Variants in FGF14 observed in about 807,000 individuals in gnomAD.
FGF14 encodes the protein fibroblast growth factor homologous factor 4.
FGF14 carries 5 observed loss-of-function variants against 25.5 expected under a neutral mutation model. The observed-to-expected ratio is 0.20, with a 90% CI of 0.10 to 0.41. The LOEUF is 0.41. Ranked by LOEUF, FGF14 falls within the 10% of genes least tolerant of loss-of-function variation. The probability of loss-of-function intolerance (pLI) is 1.00; values close to 1 mark genes in which losing one functional copy is unlikely to be tolerated. For synonymous variants in FGF14, 138 were observed against 118.3 expected (o/e 1.17, Z -1.08); for missense variants, 222 against 320.1 (o/e 0.69, Z 2.34).
intron 3 of FGF14, among the ~76,000 whole-genome samples, chr13:101,781,455 AT>A: frequency 6.6e-6 from 1 of 152,306 alleles, no homozygotes; most frequent in East Asian, 1.9e-4. Context: ...CATATATCGA[AT>A]AGTAGACTTT....
At chr13:101,952,067 T>G (rs1343940064) in intron 1 of FGF14, among the ~76,000 whole-genome samples, 1 of 152,246 alleles carries the variant, frequency 6.6e-6, no homozygotes, top group African/African-American at 2.4e-5. Flanking sequence ...ATTTGTCAAG[T>G]GCCTACTATT....
intron 3 of FGF14, among the ~76,000 whole-genome samples, chr13:101,738,584 A>G (rs2036331266): frequency 6.6e-6 from 1 of 152,134 alleles, no homozygotes; most frequent in Non-Finnish European, 1.5e-5. Context: ...AAAGCAAGAA[A>G]AGAGGCAATA....
intron 3 of FGF14, among the ~76,000 whole-genome samples, chr13:101,864,740 C>A (rs901479337): frequency 6.6e-6 from 1 of 152,048 alleles, no homozygotes; most frequent in Non-Finnish European, 1.5e-5. Context: ...CACTTACGAC[C>A]GCGAAGATGC....
intron 1 of FGF14, among the ~76,000 whole-genome samples, chr13:102,062,798 A>T (rs986778241): frequency 2.6e-5 from 4 of 152,188 alleles, no homozygotes; most frequent in African/African-American, 9.6e-5. Context: ...ACTCTCAATG[A>T]TAAGAAAAAA....
At chr13:102,354,343 G>T (rs1325101218) in intron 1 of FGF14, 1 of 152,148 alleles carries the variant, frequency 6.6e-6, no homozygotes, top group Non-Finnish European at 1.5e-5. Flanking sequence ...GCCAGACTAA[G>T]ACAAAAGTGA....
chr13:101,857,589 A>G (rs2044191566), intron 3 of FGF14, among the ~76,000 whole-genome samples: 1 of 152,070 alleles, frequency 6.6e-6, no homozygotes, highest in Non-Finnish European at 1.5e-5. Flanking sequence ...GTGAAACCCT[A>G]AATAGCACAG....
intron 1 of FGF14, among the ~76,000 whole-genome samples, chr13:102,071,354 G>C (rs551472967): frequency 5.3e-5 from 8 of 152,136 alleles, no homozygotes; most frequent in African/African-American, 1.9e-4. Context: ...ATGTGTCACA[G>C]GGAAGTTTCG....
chr13:101,800,320 A>G (rs2040798745), intron 3 of FGF14, among the ~76,000 whole-genome samples: 1 of 152,228 alleles, frequency 6.6e-6, no homozygotes, highest in Non-Finnish European at 1.5e-5. Flanking sequence ...TATAAAATAT[A>G]AAAACAAATG....
chr13:101,865,134 A>G (rs1290468404), intron 3 of FGF14, among the ~76,000 whole-genome samples: 1 of 152,096 alleles, frequency 6.6e-6, no homozygotes, highest in East Asian at 1.9e-4. Context: ...TCTCACTTCA[A>G]CTATCCTTTA....
intron 1 of FGF14, among the ~76,000 whole-genome samples, chr13:102,276,007 C>T (rs772381128): frequency 6.6e-5 from 10 of 152,034 alleles, no homozygotes; most frequent in South Asian, 6.2e-4. Flanking sequence ...TTCTCTACTA[C>T]TGTAAAGATT....
In FGF14 at chr13:101,720,338, T is replaced by G. The variant is rs1225528560; in HGVS notation, c.*2493A>C. 1 of 152,128 alleles carries G rather than the reference T, an allele frequency of 6.6e-6. No individual in the cohort carries two copies. Among genetic ancestry groups the G allele is most frequent in the Non-Finnish European group, 1.5e-5 (1 of 68,008 alleles). 9.4% of individuals were successfully genotyped at this position (152,128 alleles called of 1,614,324 possible). On this transcript the variant is annotated 3_prime_UTR_variant, in exon 5 of 5. Transcript: ENST00000376143. ...ATATATTAGAAGAAAGTATTTGACA[T>G]CCTTCATAGGGATAAATGCCCTTAT...
chr13:102,136,226 T>C lies in FGF14; in HGVS notation c.209-260930A>G, dbSNP rs139195187. Among the ~76,000 whole-genome samples the C allele has an allele frequency of 2.0e-5, 3 of 152,288 alleles. No homozygotes were observed. In the East Asian group the frequency reaches 5.8e-4, roughly 29 times the overall value. ...ATAGTTGATATTTATCGTGAACTTA[T>C]TAGATGCCAAGTACTAGTTTACCAA... On this transcript the variant is annotated intron_variant, in intron 1 of 4. Transcript: ENST00000376131.
intron 1 of FGF14, among the ~76,000 whole-genome samples, chr13:102,087,646 G>T (rs113723278): frequency 7.1e-6 from 1 of 140,640 alleles, no homozygotes; most frequent in Non-Finnish European, 1.5e-5. Flanking sequence ...GGATGGTCTC[G>T]ATCTCCTGAC....
intron 1 of FGF14, among the ~76,000 whole-genome samples, chr13:102,382,525 T>C (rs1024089836): frequency 1.3e-5 from 2 of 151,904 alleles, no homozygotes; most frequent in East Asian, 3.9e-4. Context: ...ATTGCTAGAG[T>C]GAATGTAAAA....
Position 101,862,797 on chromosome 13 carries a change from A to G in FGF14, c.408+5928T>C, listed in dbSNP as rs536012998. On this transcript the variant is annotated intron_variant, in intron 3 of 4. Coordinates refer to ENST00000376143, the MANE Select transcript of FGF14 (RefSeq NM_004115.4). Reference sequence around the variant, plus strand: ...AAGATACCAAGAAAGGATAATAGCCATTTCAACCTGGCAGATATATCCAAC... The same window carrying G: ...AAGATACCAAGAAAGGATAATAGCCGTTTCAACCTGGCAGATATATCCAAC... 1.4e-4 allele frequency among the ~76,000 whole-genome samples: 22 copies of G among 152,272 alleles called. No individual in the cohort carries two copies. In the East Asian group the frequency reaches 4.1e-3, roughly 28 times the overall value.
intron 1 of FGF14, among the ~76,000 whole-genome samples, chr13:102,150,764 A>G (rs1254508799): frequency 6.6e-6 from 1 of 152,172 alleles, no homozygotes; most frequent in Non-Finnish European, 1.5e-5. Context: ...AATATTTGGC[A>G]ATCTGGAGAC....
At chr13:102,131,711 A>T (rs1459501877) in intron 1 of FGF14, among the ~76,000 whole-genome samples, 2 of 152,130 alleles carry the variant, frequency 1.3e-5, no homozygotes, top group Non-Finnish European at 2.9e-5. Context: ...TAATTTGTTT[A>T]TGTTTTCTTT....
intron 3 of FGF14, among the ~76,000 whole-genome samples, chr13:101,822,844 T>G (rs2042222280): frequency 6.6e-6 from 1 of 152,182 alleles, no homozygotes; most frequent in Admixed American, 6.5e-5. Context: ...CTTAACTACA[T>G]TTTTGTATCT....
upstream of FGF14, among the ~76,000 whole-genome samples, chr13:101,917,484 C>G (rs2033650734): frequency 2.0e-5 from 3 of 152,122 alleles, no homozygotes. Flanking sequence ...TTAGATGCAA[C>G]TCGCTGGTTC....
Sources: gnomAD v4.1 joint callset for allele counts (sites outside exome capture counted in the v4.1 genomes callset) on GRCh38, gnomAD v4.1.1 for gene constraint, MANE v1.5 for transcripts, NCBI Gene and HGNC (gene_info 2026-07-23, HGNC 2026-07-21) for gene names.